Variants in TRIO observed in about 807,000 individuals in gnomAD.
TRIO encodes trio Rho guanine nucleotide exchange factor.
In TRIO, 58 loss-of-function variants were observed where a neutral mutation model predicts 351.9. The ratio of observed to expected loss-of-function variants is 0.16; its 90% CI spans 0.13 to 0.21. TRIO has a LOEUF of 0.21. TRIO is among the 10% of genes least tolerant of loss of function. The pLI is 1.00. For missense variants in TRIO, 3,201 were observed against 4,027.8 expected (o/e 0.79, Z 5.56); for synonymous variants, 1,758 against 1,595.7 (o/e 1.10, Z -2.42).
chr5:14,490,233 C>G (rs939254592), intron 48 of TRIO, among the ~76,000 whole-genome samples: 5 of 152,236 alleles, frequency 3.3e-5, no homozygotes, highest in African/African-American at 1.2e-4. Flanking sequence ...GAGCCGAGAT[C>G]GTGCCATTGC....
intron 1 of TRIO, among the ~76,000 whole-genome samples, chr5:14,267,244 C>T (rs187127637): frequency 1.3e-5 from 2 of 152,224 alleles, no homozygotes; most frequent in East Asian, 3.9e-4. Flanking sequence ...CCCCCTTCCA[C>T]CTATTTAAGT....
At chr5:14,207,426 ACACAC>A (rs1791586045) in intron 1 of TRIO, among the ~76,000 whole-genome samples, 1 of 99,048 alleles carries the variant, frequency 1.0e-5, no homozygotes, top group South Asian at 3.9e-4. Flanking sequence ...ACACACACAC[ACACAC>A]GCAGCCAGGT....
chr5:14,281,814 G>A lies in TRIO; in HGVS notation c.347+1378G>A, dbSNP rs78184148. Among the ~76,000 whole-genome samples, 1,466 of 152,214 alleles carry A rather than the reference G, an allele frequency of 9.6e-3. 25 individuals are homozygous for A. Among genetic ancestry groups the A allele is most frequent in the African/African-American group, 0.033 (1,374 of 41,520 alleles). Reference sequence around the variant, plus strand: ...TGAGAGAAAACTCGGCCATAATATGGGCTGGCTAGATAGTAACCTTAAGGA... The same window carrying A: ...TGAGAGAAAACTCGGCCATAATATGAGCTGGCTAGATAGTAACCTTAAGGA... On this transcript the variant is annotated intron_variant, in intron 3 of 56. Transcript: ENST00000344204.
chr5:14,257,677 G>A (rs1221320239), intron 1 of TRIO, among the ~76,000 whole-genome samples: 2 of 152,116 alleles, frequency 1.3e-5, no homozygotes, highest in African/African-American at 4.8e-5. Flanking sequence ...AGAAGTTATG[G>A]AGAAATTATT....
chr5:14,377,888 CTTTA>C (rs1745709092), intron 19 of TRIO, 120 bp from the exon 20 acceptor site: 1 of 694,824 alleles, frequency 1.4e-6, no homozygotes, highest in African/African-American at 1.8e-5. Context: ...CAGTGTGATT[CTTTA>C]TTTATCGTGC....
At chr5:14,179,729 C>A (rs1481099718) in intron 1 of TRIO, among the ~76,000 whole-genome samples, 3 of 152,180 alleles carry the variant, frequency 2.0e-5, no homozygotes, top group African/African-American at 7.2e-5. Context: ...AGCCACCACA[C>A]CCAGCCTCAA....
chr5:14,346,082 A>C (rs916113250), intron 11 of TRIO, among the ~76,000 whole-genome samples: 5 of 152,378 alleles, frequency 3.3e-5, no homozygotes, highest in East Asian at 1.9e-4. Flanking sequence ...GAGTTTTGCC[A>C]GGACAGCTTA....
intron 1 of TRIO, among the ~76,000 whole-genome samples, chr5:14,261,453 C>T (rs949456230): frequency 1.3e-5 from 2 of 152,220 alleles, no homozygotes; most frequent in African/African-American, 4.8e-5. Context: ...GCTGAGGGAC[C>T]TGAGACAGCA....
intron 9 of TRIO, among the ~76,000 whole-genome samples, chr5:14,322,365 A>G (rs934273661): frequency 6.6e-6 from 1 of 152,174 alleles, no homozygotes; most frequent in African/African-American, 2.4e-5. Flanking sequence ...CCAAGGAAGG[A>G]AGTGATAATT....
At chr5:14,502,380 A>G (rs116132614) in intron 53 of TRIO, among the ~76,000 whole-genome samples, 199 bp from the exon 54 acceptor site, 102 of 152,360 alleles carry the variant, frequency 6.7e-4, no homozygotes, top group African/African-American at 2.4e-3. Context: ...TTAGTGAACT[A>G]TTTTGCATTC....
At chr5:14,328,935 A>G (rs1488200714) in intron 9 of TRIO, among the ~76,000 whole-genome samples, 6 of 152,108 alleles carry the variant, frequency 3.9e-5, no homozygotes. Context: ...ACAGAGGACC[A>G]CAAGAGGTTT....
intron 1 of TRIO, among the ~76,000 whole-genome samples, chr5:14,150,488 A>G (rs756025047): frequency 2.0e-5 from 3 of 152,218 alleles, no homozygotes; most frequent in Non-Finnish European, 2.9e-5. Context: ...AAAAAGGCCA[A>G]TAATAAACTG....
chr5:14,316,046 G>A (rs1739354687), intron 8 of TRIO, among the ~76,000 whole-genome samples: 1 of 152,100 alleles, frequency 6.6e-6, no homozygotes, highest in Admixed American at 6.5e-5. Context: ...TTTTAACTGA[G>A]GCTTTAAGGA....
intron 32 of TRIO, chr5:14,406,253 A>G: frequency 7.0e-6 from 4 of 575,282 alleles, no homozygotes; most frequent in Non-Finnish European, 1.2e-5. Flanking sequence ...TACAGGGCAC[A>G]TGTCTAACTC....
rs150042698 is a variant in TRIO at position 14,379,752 on chromosome 5, T to C, written c.3448-1378T>C. ...TTGTTGGCAGAGAAAGATAATGGAATGTATTGTTGCATTTTCCTAAAGTCC... is the reference window on the plus strand; with the variant it reads ...TTGTTGGCAGAGAAAGATAATGGAACGTATTGTTGCATTTTCCTAAAGTCC... On this transcript the variant is annotated intron_variant, in intron 20 of 56. Transcript: ENST00000344204. 1.0e-3 allele frequency among the ~76,000 whole-genome samples: 155 copies of C among 152,354 alleles called. 1 individual carries two copies. Among genetic ancestry groups the C allele is most frequent in the Non-Finnish European group, 1.4e-3 (93 of 68,028 alleles).
chr5:14,236,483 G>A (rs182129821), intron 1 of TRIO, among the ~76,000 whole-genome samples: 7 of 152,166 alleles, frequency 4.6e-5, no homozygotes, highest in Admixed American at 3.9e-4. Context: ...TTTTTCTAGA[G>A]GAGTACTTCA....
chr5:14,445,360 A>G (rs986710483), intron 34 of TRIO, among the ~76,000 whole-genome samples: 2 of 152,252 alleles, frequency 1.3e-5, no homozygotes, highest in African/African-American at 4.8e-5. Context: ...CTCTGAAACT[A>G]TATGTGCTAA....
intron 1 of TRIO, among the ~76,000 whole-genome samples, chr5:14,205,407 C>T (rs1791393050): frequency 6.6e-6 from 1 of 152,134 alleles, no homozygotes; most frequent in South Asian, 2.1e-4. Flanking sequence ...AACAGTAGTT[C>T]CTCAGCATTT....
intron 1 of TRIO, among the ~76,000 whole-genome samples, chr5:14,227,806 G>A (rs759563923): frequency 6.6e-6 from 1 of 152,186 alleles, no homozygotes; most frequent in Non-Finnish European, 1.5e-5. Context: ...AACAACTTTA[G>A]CATTGTTCTT....
Sources: gnomAD v4.1 joint callset for allele counts (sites outside exome capture counted in the v4.1 genomes callset) on GRCh38, gnomAD v4.1.1 for gene constraint, MANE v1.5 for transcripts, NCBI Gene and HGNC (gene_info 2026-07-23, HGNC 2026-07-21) for gene names.